GPHN: variants seen among roughly 807,000 people sequenced by gnomAD.
GPHN encodes the protein gephyrin.
Under a neutral mutation model 95.5 loss-of-function variants are expected in GPHN, and 17 were observed. The observed-to-expected ratio is 0.18, with a 90% CI of 0.12 to 0.27. The LOEUF (loss-of-function observed/expected upper bound fraction) is 0.27, where lower values mean the gene tolerates loss of function less well. Ranked by LOEUF, GPHN falls within the 10% of genes least tolerant of loss-of-function variation. The pLI is 1.00. For synonymous variants in GPHN, 320 were observed against 322.5 expected, an observed-to-expected ratio of 0.99 and a Z score of 0.08; for missense variants, 660 against 978.1, an observed-to-expected ratio of 0.67 and a Z score of 4.34.
the GPHN span, among the ~76,000 whole-genome samples, chr14:67,368,246 G>A: frequency 5.3e-5 from 8 of 152,168 alleles, no homozygotes; most frequent in Non-Finnish European, 8.8e-5. Context: ...TGCTTTTGGC[G>A]GGCCTTGGGG....
At chr14:66,601,327 G>T (rs78142014) in intron 1 of GPHN, among the ~76,000 whole-genome samples, 2 of 151,974 alleles carry the variant, frequency 1.3e-5, no homozygotes, top group African/African-American at 4.8e-5. Context: ...AAGGCTTTAG[G>T]TGATGGTTTC....
At position 66,957,757 on chromosome 14, in the gene GPHN, G is replaced by C. The variant is rs143157439; in HGVS notation, c.829-7434G>C. 2.1e-3 allele frequency among the ~76,000 whole-genome samples: 320 copies of C among 152,274 alleles called. 1 individual carries two copies. Among genetic ancestry groups the C allele is most frequent in the Non-Finnish European group, 3.4e-3 (232 of 68,022 alleles). ...GTCCCCAAGCCCCAGGCCAAGGACT[G>C]ATACCAGTCCATGACCTGTTAGGAA... On this transcript the variant is annotated intron_variant, in intron 8 of 22. Transcript: ENST00000478722.
chr14:66,784,388 A>G (rs2153465417), intron 3 of GPHN, among the ~76,000 whole-genome samples: 1 of 152,276 alleles, frequency 6.6e-6, no homozygotes, highest in Admixed American at 6.5e-5. Flanking sequence ...TCACTAGAAA[A>G]CCACTCTGAA....
chr14:67,085,739 T>G lies in GPHN; in HGVS notation c.1145-3244T>G, dbSNP rs767945244. 3.9e-5 allele frequency among the ~76,000 whole-genome samples: 6 copies of G among 152,236 alleles called. No homozygotes were observed. In the South Asian group the frequency reaches 8.3e-4, roughly 21 times the overall value. ...ATAAAACTTAACTATTTTAACCATT[T>G]TTAAGTGTATGGTTCAATAGCATTA... On this transcript the variant is annotated intron_variant, in intron 11 of 22. Transcript: ENST00000478722.
At chr14:66,581,860 C>A (rs2061190429) in intron 1 of GPHN, among the ~76,000 whole-genome samples, 1 of 151,932 alleles carries the variant, frequency 6.6e-6, no homozygotes. Flanking sequence ...GTAAATATAT[C>A]TGCACCCAAC....
Position 66,965,294 on chromosome 14 carries a change from G to A in GPHN, c.932G>A (p.Arg311His). 2 of 1,613,444 alleles carry A rather than the reference G, an allele frequency of 1.2e-6. No individual in the cohort carries two copies. The highest frequency in any genetic ancestry group is 1.7e-6 in the Non-Finnish European group (2 of 1,179,742). ...TCGCCTCGTGCTCAGGCTACATCTC[G>A]CCTCTCTACAGCTTCCTGCCCAACA... ...SESPRAQATSRLSTASCPTPK... is the reference protein window; with the variant it reads ...SESPRAQATSHLSTASCPTPK... Residue 311 changes from arginine to histidine, a missense_variant, in exon 9 of 23, where the codon CGC becomes CAC. Physicochemically the swap from Arg to His is conservative, Grantham distance 29. This residue lies in a region of GPHN where 190 missense variants were observed against 224.7 expected (regional missense o/e 0.85). Coordinates refer to ENST00000478722, the MANE Select transcript of GPHN (RefSeq NM_020806.5).
At chr14:67,546,343 T>G in the GPHN span, among the ~76,000 whole-genome samples, 2 of 152,150 alleles carry the variant, frequency 1.3e-5, no homozygotes, top group South Asian at 4.1e-4. Flanking sequence ...TTTTTGGGAT[T>G]TTTTTAAGAC....
chr14:67,064,685 T>C (rs554550464), intron 11 of GPHN, among the ~76,000 whole-genome samples: 5 of 152,352 alleles, frequency 3.3e-5, no homozygotes, highest in African/African-American at 1.2e-4. Flanking sequence ...TCCAGGAATT[T>C]ATCCATTTCT....
chr14:67,384,481 A>G, the GPHN span: 10 of 152,122 alleles, frequency 6.6e-5, no homozygotes, highest in Non-Finnish European at 1.3e-4. Context: ...TCAGGTGTAG[A>G]AAATCTTGAG....
chr14:66,899,660 C>T (rs1311005779), intron 5 of GPHN, among the ~76,000 whole-genome samples: 1 of 151,772 alleles, frequency 6.6e-6, no homozygotes, highest in African/African-American at 2.4e-5. Context: ...TTCCTGACTT[C>T]TATTTGCTAA....
chr14:67,489,985 G>A, the GPHN span, among the ~76,000 whole-genome samples: 459 of 117,652 alleles, frequency 3.9e-3, 3 homozygotes, highest in Non-Finnish European at 6.1e-3. Context: ...GCGAGACTCC[G>A]TCTCAAAAAA....
chr14:67,669,403 G>A, the GPHN span, among the ~76,000 whole-genome samples: 1 of 151,508 alleles, frequency 6.6e-6, no homozygotes, highest in African/African-American at 2.4e-5. Context: ...CTGAGCAGCT[G>A]GGATTACAAG....
At chr14:66,747,970 T>C (rs1267071091) in intron 2 of GPHN, among the ~76,000 whole-genome samples, 1 of 152,076 alleles carries the variant, frequency 6.6e-6, no homozygotes, top group African/African-American at 2.4e-5. Context: ...ATTAATAAAC[T>C]GTGATGATGT....
chr14:67,678,337 C>G, the GPHN span: 2 of 1,612,472 alleles, frequency 1.2e-6, no homozygotes, highest in Non-Finnish European at 1.7e-6. Context: ...TATTGGGAGG[C>G]CCAGCAGGTC....
chr14:67,389,752 T>A, the GPHN span, among the ~76,000 whole-genome samples: 1 of 151,626 alleles, frequency 6.6e-6, no homozygotes, highest in Non-Finnish European at 1.5e-5. Context: ...GAGAGTTAAA[T>A]ACAAAACTAA....
At chr14:66,639,640 T>G (rs1007957383) in intron 1 of GPHN, among the ~76,000 whole-genome samples, 1 of 151,978 alleles carries the variant, frequency 6.6e-6, no homozygotes, top group Non-Finnish European at 1.5e-5. Flanking sequence ...TTTGAAAAGT[T>G]AAGCTAGACC....
chr14:67,040,204 A>AAGAATAGTATAG (rs2074629462), intron 10 of GPHN, among the ~76,000 whole-genome samples: 1 of 152,164 alleles, frequency 6.6e-6, no homozygotes, highest in African/African-American at 2.4e-5. Flanking sequence ...GAAATGTTAC[A>AAGAATAGTATAG]AGAATAGTAT....
intron 1 of GPHN, among the ~76,000 whole-genome samples, chr14:66,549,489 G>T (rs887115368): frequency 5.9e-5 from 9 of 152,122 alleles, no homozygotes; most frequent in African/African-American, 2.2e-4. Flanking sequence ...AGAAACATTG[G>T]GAGCTGGCTA....
chr14:66,992,654 T>C (rs2071514892), intron 9 of GPHN, among the ~76,000 whole-genome samples: 1 of 152,150 alleles, frequency 6.6e-6, no homozygotes, highest in Non-Finnish European at 1.5e-5. Flanking sequence ...TAGATACCTA[T>C]TGTCTTTAGG....
Sources: gnomAD v4.1 joint callset for allele counts (sites outside exome capture counted in the v4.1 genomes callset) on GRCh38, gnomAD v4.1.1 for gene constraint, gnomAD v4.1.1 regional missense constraint, MANE v1.5 for transcripts, NCBI Gene and HGNC (gene_info 2026-07-23, HGNC 2026-07-21) for gene names.